Variants in ANKRD24 observed in about 807,000 individuals in gnomAD.
ANKRD24 encodes ankyrin repeat domain-containing protein 24.
In ANKRD24, 109 loss-of-function variants were observed where a neutral mutation model predicts 127.8. That is an observed-to-expected ratio of 0.85 (90% CI 0.73 to 1.00). The LOEUF is 1.00. ANKRD24 is among the 50% of genes least tolerant of loss of function. ANKRD24 has a pLI of 0.00. For synonymous variants in ANKRD24, 743 were observed against 671.1 expected (o/e 1.11, Z -1.66); for missense variants, 1,648 against 1,570.2 (o/e 1.05, Z -0.84).
chr19:4,207,478 G>T, intron 8 of ANKRD24, 23 bp from the exon 9 acceptor site: 1 of 1,607,896 alleles, frequency 6.2e-7, no homozygotes, highest in Non-Finnish European at 8.5e-7. Flanking sequence ...TCATGCCATC[G>T]CATCCCTCCT....
intron 7 of ANKRD24, among the ~76,000 whole-genome samples, chr19:4,203,631 G>A (rs1969219365): frequency 6.6e-6 from 1 of 152,108 alleles, no homozygotes; most frequent in Admixed American, 6.6e-5. Flanking sequence ...TTACAGGCGT[G>A]AGCCACCTCA....
chr19:4,205,900 T>C (rs974476712), intron 7 of ANKRD24, among the ~76,000 whole-genome samples: 6 of 151,890 alleles, frequency 4.0e-5, no homozygotes, highest in Admixed American at 6.6e-5. Context: ...CCCAGCACTT[T>C]GGGAGGCCGA....
chr19:4,195,748 G>A lies in ANKRD24; in HGVS notation c.37-3935G>A, dbSNP rs1244664979. On this transcript the variant is annotated intron_variant, in intron 2 of 21. Transcript: ENST00000318934. This position sits in a 1 kb window ranked among gnomAD's most constrained non-coding sequence, Gnocchi z 4.2. ...CGTCTCTACTAAAATACAAAAATTC[G>A]CTAGGCGTGGTGGCGTGTGCCTGTA... 6.6e-5 allele frequency among the ~76,000 whole-genome samples: 10 copies of A among 152,220 alleles called. No homozygotes were observed. Among genetic ancestry groups the A allele is most frequent in the East Asian group, 3.9e-4 (2 of 5,168 alleles).
rs1970131251 is a variant in ANKRD24 at position 4,217,056 on chromosome 19, C to T, written c.1896C>T (p.Thr632=). Residue 632 remains threonine (T), a synonymous_variant, in exon 18 of 22, where the codon ACC becomes ACT. Transcript: ENST00000318934. The part of the protein sequence containing the change: ...PTGAQATDTE[T]TGVEAMGVEA... ...GAGCTCAGGCCACAGACACAGAGAC[C>T]ACGGGAGTGGAGGCCATGGGGGTGG... The T allele has an allele frequency of 2.5e-6, 4 of 1,613,832 alleles. No homozygotes were observed. Among genetic ancestry groups the T allele is most frequent in the Non-Finnish European group, 3.4e-6 (4 of 1,179,880 alleles).
intron 20 of ANKRD24, among the ~76,000 whole-genome samples, chr19:4,223,401 A>ATTTTTTTTTTTTT (rs1173862080): frequency 3.7e-5 from 2 of 53,340 alleles, no homozygotes; most frequent in African/African-American, 1.9e-4. Context: ...ATATATATAT[A>ATTTTTTTTTTTTT]TTTTTTTTTT....
Position 4,224,562 on chromosome 19 carries a change from T to A in ANKRD24, c.*57T>A, listed in dbSNP as rs1970638352. The A allele has an allele frequency of 6.7e-7, 1 of 1,500,750 alleles. No individual in the cohort carries two copies. Among genetic ancestry groups the A allele is most frequent in the African/African-American group, 1.4e-5 (1 of 71,884 alleles). The allele number at this position is 1,500,750 out of a possible 1,614,324, so 93.0% of individuals were successfully genotyped here. Reference sequence around the variant, plus strand: ...CACCCACGCAGGGACCTCACCCCCCTGCAGGCCCCTTGCAGACCGGCTTCA... The same window carrying A: ...CACCCACGCAGGGACCTCACCCCCCAGCAGGCCCCTTGCAGACCGGCTTCA... On this transcript the variant is annotated 3_prime_UTR_variant, in exon 22 of 22. Coordinates refer to ENST00000318934, the MANE Select transcript of ANKRD24 (RefSeq NM_001393985.1).
rs1968858127 is a variant in ANKRD24 at position 4,198,099 on chromosome 19, C to A, written c.37-1584C>A. 2.1e-6 allele frequency: 1 copy of A among 465,514 alleles called. No individual in the cohort carries two copies. Among genetic ancestry groups the A allele is most frequent in the African/African-American group, 2.0e-5 (1 of 49,004 alleles). The allele number at this position is 465,514 out of a possible 1,614,324, so 28.8% of individuals were successfully genotyped here. A position where few individuals can be genotyped will look rare whatever the true frequency, so the allele number is the denominator to read the frequency against. On this transcript the variant is annotated intron_variant, in intron 2 of 21. Transcript: ENST00000318934. This position sits in a 1 kb window ranked among gnomAD's most constrained non-coding sequence, Gnocchi z 6.1. The stretch of plus-strand genomic sequence containing the variant: ...GAGGCACCTGCGCGCCCTTGGCCGA[C>A]TCGGAGGAGGTGGAGATGGACGCCC...
At chr19:4,224,322 T>A in intron 21 of ANKRD24, 106 bp from the exon 22 acceptor site, 1 of 1,424,502 alleles carries the variant, frequency 7.0e-7, no homozygotes, top group Admixed American at 2.0e-5. Flanking sequence ...GGAGCCCCCC[T>A]GTGTGCATTT....
chr19:4,198,580 C>G lies in ANKRD24; in HGVS notation c.37-1103C>G. On this transcript the variant is annotated intron_variant, in intron 2 of 21. Coordinates refer to ENST00000318934, the MANE Select transcript of ANKRD24 (RefSeq NM_001393985.1). This position sits in a 1 kb window ranked among gnomAD's most constrained non-coding sequence, Gnocchi z 6.1. Reference sequence around the variant, plus strand: ...AGGAGCGGGCGGGGCGCGGGTACCTCCTCTCCCCTCCCTTCCCCGTCCCCG... The same window carrying G: ...AGGAGCGGGCGGGGCGCGGGTACCTGCTCTCCCCTCCCTTCCCCGTCCCCG... The G allele has an allele frequency of 2.1e-6, 1 of 469,376 alleles. No homozygotes were observed. The highest frequency in any genetic ancestry group is 3.8e-6 in the Non-Finnish European group (1 of 265,584). The allele number at this position is 469,376 out of a possible 1,614,324, so 29.1% of individuals were successfully genotyped here.
chr19:4,217,397 A>AG lies in ANKRD24; in HGVS notation c.2238dup (p.Leu747AlafsTer37). ...CAGCGGGAGCGGGAGGCAGCTGCGGAGCTGGAGGCGGCCCTGGGGAAGTGC... is the reference window on the plus strand; with the variant it reads ...CAGCGGGAGCGGGAGGCAGCTGCGGAGGCTGGAGGCGGCCCTGGGGAAGTGC... On this transcript the variant is annotated frameshift_variant, in exon 18 of 22. Coordinates refer to ENST00000318934, the MANE Select transcript of ANKRD24 (RefSeq NM_001393985.1). LOFTEE classifies it high-confidence loss of function. The AG allele has an allele frequency of 6.5e-7, 1 of 1,549,866 alleles. No homozygotes were observed.
intron 2 of ANKRD24, among the ~76,000 whole-genome samples, chr19:4,191,090 G>A (rs1024395886): frequency 6.6e-6 from 1 of 152,138 alleles, no homozygotes; most frequent in Non-Finnish European, 1.5e-5. Context: ...TGGAGCTGGA[G>A]GGGCCTGAGG....
chr19:4,223,376 T>C (rs8101278), intron 20 of ANKRD24, among the ~76,000 whole-genome samples: 3,317 of 39,862 alleles, frequency 0.083, 199 homozygotes, highest in African/African-American at 0.26. Context: ...GCCATACATA[T>C]ATATATATAT....
rs574147415 is a variant in ANKRD24, at chr19:4,195,240, T to G, written c.37-4443T>G. ...GGCGCCCACCACCACGCCCGGCTAA[T>G]TTTTTGTATTTTTAGTAGAGACGGG... On this transcript the variant is annotated intron_variant, in intron 2 of 21. Coordinates refer to ENST00000318934, the MANE Select transcript of ANKRD24 (RefSeq NM_001393985.1). The surrounding 1 kb of genome is among the most constrained non-coding windows in gnomAD (Gnocchi z 4.2). Among the ~76,000 whole-genome samples the G allele has an allele frequency of 7.9e-5, 12 of 151,898 alleles. No homozygotes were observed. In the East Asian group the frequency reaches 1.8e-3, roughly 22 times the overall value.
rs374943322 is a variant in ANKRD24, at chr19:4,200,114, A to G, written c.286A>G (p.Ser96Gly). ...FHLAAMRGAA[S>G]CLEVMIAHGS... ...CCTGGCGGCCATGCGGGGTGCGGCCAGCTGTCTGGAGGTGATGATAGCTCA... is the reference window on the plus strand; with the variant it reads ...CCTGGCGGCCATGCGGGGTGCGGCCGGCTGTCTGGAGGTGATGATAGCTCA... The change falls in exon 5 of 22, where the codon AGC (serine) becomes GGC (glycine). Residue 96 changes from serine (S) to glycine (G), a missense_variant. Physicochemically the swap from Ser to Gly is moderately conservative, Grantham distance 56. Transcript: ENST00000318934. 3.8e-5 allele frequency: 61 copies of G among 1,605,274 alleles called. No individual in the cohort carries two copies. The highest frequency in any genetic ancestry group is 4.8e-5 in the Non-Finnish European group (56 of 1,176,254).
At chr19:4,193,876 G>GAAGGAAGGAAGGAAGA (rs1968546134) in intron 2 of ANKRD24, among the ~76,000 whole-genome samples, 1 of 149,094 alleles carries the variant, frequency 6.7e-6, no homozygotes, top group African/African-American at 2.5e-5. Context: ...AGGAAGGAAG[G>GAAGGAAGGAAGGAAGA]AAGGAAGGAA....
chr19:4,219,368 G>A lies in ANKRD24; in HGVS notation c.3004-223G>A, dbSNP rs569259418. 4.8e-4 allele frequency among the ~76,000 whole-genome samples: 73 copies of A among 152,200 alleles called. 1 individual carries two copies. Among genetic ancestry groups the A allele is most frequent in the African/African-American group, 1.6e-3 (67 of 41,540 alleles). ...TGTGGTCCCAGCTACTTGGAAGGCC[G>A]AGGTGGGAGGATCACTTAAGCCTGA... On this transcript the variant is annotated intron_variant, in intron 18 of 21. Coordinates refer to ENST00000318934, the MANE Select transcript of ANKRD24 (RefSeq NM_001393985.1).
chr19:4,199,632 TG>T lies in ANKRD24; in HGVS notation c.37-46del, dbSNP rs1968967635. On this transcript the variant is annotated intron_variant, in intron 2 of 21. Coordinates refer to ENST00000318934, the MANE Select transcript of ANKRD24 (RefSeq NM_001393985.1). The surrounding 1 kb of genome is among the most constrained non-coding windows in gnomAD (Gnocchi z 5.2). ...GGGCAGATGCTGGGGGTCGCAGGCT[TG>T]GGGGACACTGTCTGAGGACCCCCTC... 2 of 1,491,828 alleles carry T rather than the reference TG, an allele frequency of 1.3e-6. No individual in the cohort carries two copies. Among genetic ancestry groups the T allele is most frequent in the South Asian group, 2.6e-5 (2 of 77,386 alleles). 92.4% of individuals were successfully genotyped at this position (1,491,828 alleles called of 1,614,324 possible). A position where few individuals can be genotyped will look rare whatever the true frequency, so the allele number is the denominator to read the frequency against.
intron 15 of ANKRD24, among the ~76,000 whole-genome samples, chr19:4,213,460 T>C (rs1306589873): frequency 7.0e-6 from 1 of 142,886 alleles, no homozygotes; most frequent in Admixed American, 7.0e-5. Context: ...TTCCTTCTTT[T>C]TTTTTTTTTT....
intron 5 of ANKRD24, among the ~76,000 whole-genome samples, chr19:4,201,036 CAAGT>C (rs1270646939): frequency 2.0e-5 from 3 of 151,946 alleles, no homozygotes; most frequent in African/African-American, 7.2e-5. Flanking sequence ...AAGAGAATAA[CAAGT>C]AGAGTTTGGG....
Sources: allele counts gnomAD v4.1 joint callset (sites outside exome capture counted in the v4.1 genomes callset), GRCh38; gene constraint gnomAD v4.1.1; non-coding constraint Gnocchi (gnomAD v3.1); transcripts MANE v1.5; gene names NCBI Gene and HGNC (gene_info 2026-07-23, HGNC 2026-07-21).